The following OPCML variants were observed in gnomAD, a reference collection of about 807,000 sequenced individuals.
OPCML encodes the protein opioid-binding protein/cell adhesion molecule.
OPCML carries 13 observed loss-of-function variants against 37.8 expected under a neutral mutation model. That is an observed-to-expected ratio of 0.34 (90% confidence interval 0.22 to 0.55). The LOEUF is 0.55. Among genes scored for constraint, OPCML ranks in the 20% least tolerant of loss-of-function variants. The probability of loss-of-function intolerance (pLI) is 0.91; values close to 1 mark genes in which losing one functional copy is unlikely to be tolerated. For missense variants in OPCML, 341 were observed against 435.6 expected, an observed-to-expected ratio of 0.78 and a Z score of 1.93; for synonymous variants, 176 against 168.8, an observed-to-expected ratio of 1.04 and a Z score of -0.33.
At chr11:133,175,556 C>T (rs921494192) in intron 1 of OPCML, among the ~76,000 whole-genome samples, 2 of 149,494 alleles carry the variant, frequency 1.3e-5, no homozygotes, top group African/African-American at 2.5e-5. Flanking sequence ...CTATCAAGAA[C>T]ACAGTTTCTC....
At chr11:132,862,482 GA>G (rs11387928) in intron 2 of OPCML, among the ~76,000 whole-genome samples, 4,068 of 127,962 alleles carry the variant, frequency 0.032, 63 homozygotes, top group Non-Finnish European at 0.04. Flanking sequence ...TCATCTATAC[GA>G]AAAAAAAAAA....
At chr11:133,249,479 T>G (rs1941056932) in intron 1 of OPCML, among the ~76,000 whole-genome samples, 1 of 152,150 alleles carries the variant, frequency 6.6e-6, no homozygotes, top group Non-Finnish European at 1.5e-5. Context: ...AAATTTCAAC[T>G]TGAGGTTTGG....
chr11:132,564,021 C>A (rs1437706163), intron 3 of OPCML, among the ~76,000 whole-genome samples: 1 of 152,162 alleles, frequency 6.6e-6, no homozygotes, highest in Non-Finnish European at 1.5e-5. Flanking sequence ...TAAAGAACAT[C>A]AACTCACTGG....
At position 132,870,082 on chromosome 11, in the gene OPCML, G is replaced by A. The variant is rs1377342505; in HGVS notation, c.146+72844C>T. Among the ~76,000 whole-genome samples the A allele has an allele frequency of 3.9e-5, 6 of 151,938 alleles. No homozygotes were observed. The East Asian group carries it at 7.7e-4, about 20-fold the overall frequency. ...CTACACACTAGATTTCTTTAACCACGTGACCTCATTTCCGCAACTACATAA... is the reference window on the plus strand; with the variant it reads ...CTACACACTAGATTTCTTTAACCACATGACCTCATTTCCGCAACTACATAA... On this transcript the variant is annotated intron_variant, in intron 2 of 7. Coordinates refer to ENST00000524381, the MANE Select transcript of OPCML (RefSeq NM_001012393.5).
At chr11:133,379,761 G>T (rs914509846) in intron 1 of OPCML, among the ~76,000 whole-genome samples, 3 of 152,150 alleles carry the variant, frequency 2.0e-5, no homozygotes, top group Admixed American at 6.5e-5. Flanking sequence ...TAGATCCTGC[G>T]TATAATGGCT....
intron 3 of OPCML, among the ~76,000 whole-genome samples, chr11:132,613,166 G>T (rs1287803575): frequency 6.6e-6 from 1 of 152,182 alleles, no homozygotes; most frequent in Non-Finnish European, 1.5e-5. Flanking sequence ...AGGCCTCCTG[G>T]AGAGCCTCCT....
At chr11:133,472,144 T>C (rs188080417) in intron 1 of OPCML, among the ~76,000 whole-genome samples, 4 of 152,338 alleles carry the variant, frequency 2.6e-5, no homozygotes, top group Admixed American at 6.5e-5. Flanking sequence ...CTTTCAGAGA[T>C]GAAGCTCTTT....
In OPCML at chr11:133,206,466, C is replaced by T. The variant is rs1392752149; in HGVS notation, c.62-263456G>A. Among the ~76,000 whole-genome samples the T allele has an allele frequency of 2.6e-5, 4 of 152,148 alleles. No individual in the cohort carries two copies. The highest frequency in any genetic ancestry group is 9.7e-5 in the African/African-American group (4 of 41,424). On this transcript the variant is annotated intron_variant, in intron 1 of 7. Transcript: ENST00000524381. This position sits in a 1 kb window ranked among gnomAD's most constrained non-coding sequence, Gnocchi z 4.7. ...AAAGGCCCTTTCAGCTCTTGAACTG[C>T]TGGATTCTATGATTCTTCCGTTAAA...
chr11:132,786,106 T>G (rs1038788998), intron 2 of OPCML, among the ~76,000 whole-genome samples: 23 of 152,180 alleles, frequency 1.5e-4, no homozygotes, highest in Non-Finnish European at 3.1e-4. Context: ...CTCCAGCTGC[T>G]CTCCTTACAG....
chr11:132,495,079 C>T (rs1204819764), intron 4 of OPCML, among the ~76,000 whole-genome samples: 1 of 151,098 alleles, frequency 6.6e-6, no homozygotes, highest in Non-Finnish European at 1.5e-5. Flanking sequence ...TCCTTTGAAT[C>T]TCTCTTCTTT....
intron 1 of OPCML, chr11:133,004,108 A>C (rs1048915778): frequency 1.0e-6 from 1 of 985,172 alleles, no homozygotes; most frequent in Non-Finnish European, 1.2e-6. Context: ...GCTTGGAAGG[A>C]AGTTGGACAC....
At chr11:132,997,041 C>T (rs1488435365) in intron 1 of OPCML, among the ~76,000 whole-genome samples, 1 of 152,140 alleles carries the variant, frequency 6.6e-6, no homozygotes, top group Non-Finnish European at 1.5e-5. Flanking sequence ...AGGTAACTGT[C>T]AGCATTGCAC....
At chr11:132,895,964 TG>T (rs1217182402) in intron 2 of OPCML, among the ~76,000 whole-genome samples, 1 of 152,128 alleles carries the variant, frequency 6.6e-6, no homozygotes, top group Non-Finnish European at 1.5e-5. Flanking sequence ...GGGGAATGCT[TG>T]TGGGAATGCA....
chr11:132,661,960 G>A (rs1941993580), intron 2 of OPCML, among the ~76,000 whole-genome samples: 1 of 152,206 alleles, frequency 6.6e-6, no homozygotes. Flanking sequence ...CTCTAGCCAT[G>A]TGTGAGGAAA....
intron 1 of OPCML, among the ~76,000 whole-genome samples, chr11:133,457,295 G>C (rs1486534167): frequency 6.6e-6 from 1 of 152,188 alleles, no homozygotes; most frequent in African/African-American, 2.4e-5. Context: ...CACTTTGGGA[G>C]CCCAAGGCAG....
At chr11:133,016,373 T>G (rs2136889452) in intron 1 of OPCML, among the ~76,000 whole-genome samples, 1 of 152,292 alleles carries the variant, frequency 6.6e-6, no homozygotes, top group Non-Finnish European at 1.5e-5. Flanking sequence ...TTGATGGCTA[T>G]TGACCATGGG....
At chr11:132,522,077 C>T (rs943423448) in intron 4 of OPCML, among the ~76,000 whole-genome samples, 1 of 152,190 alleles carries the variant, frequency 6.6e-6, no homozygotes. Flanking sequence ...TGTAATCATA[C>T]AATATGCAAC....
intron 2 of OPCML, among the ~76,000 whole-genome samples, chr11:132,707,691 T>C (rs1293225082): frequency 6.6e-6 from 1 of 152,200 alleles, no homozygotes; most frequent in Non-Finnish European, 1.5e-5. Flanking sequence ...GCAGGCCTTA[T>C]GGGTATTTCA....
chr11:132,956,679 C>G (rs1246970944), intron 1 of OPCML, among the ~76,000 whole-genome samples: 1 of 152,156 alleles, frequency 6.6e-6, no homozygotes, highest in East Asian at 1.9e-4. Context: ...CTGTCTCTGA[C>G]TAGCCTCTTT....
Sources: allele counts gnomAD v4.1 joint callset (sites outside exome capture counted in the v4.1 genomes callset), GRCh38; gene constraint gnomAD v4.1.1; non-coding constraint Gnocchi (gnomAD v3.1); transcripts MANE v1.5; gene names NCBI Gene and HGNC (gene_info 2026-07-23, HGNC 2026-07-21).